GPM6A: variants seen among roughly 807,000 people sequenced by gnomAD.
GPM6A encodes the protein neuronal membrane glycoprotein M6-a.
A neutral mutation model predicts 32.1 loss-of-function variants in GPM6A; 7 were observed. The observed-to-expected ratio is 0.22, with a 90% CI of 0.12 to 0.41. The LOEUF (loss-of-function observed/expected upper bound fraction) is 0.41, where lower values mean the gene tolerates loss of function less well. Among genes scored for constraint, GPM6A ranks in the 10% least tolerant of loss-of-function variants. The probability of loss-of-function intolerance (pLI) is 1.00; values close to 1 mark genes in which losing one functional copy is unlikely to be tolerated. For missense variants in GPM6A, 235 were observed against 347.2 expected (o/e 0.68, Z 2.57); for synonymous variants, 130 against 123.4 (o/e 1.05, Z -0.35).
intron 1 of GPM6A, among the ~76,000 whole-genome samples, chr4:175,726,977 C>G (rs1731191525): frequency 6.6e-6 from 1 of 152,092 alleles, no homozygotes; most frequent in Non-Finnish European, 1.5e-5. Context: ...GCCTGGGTGA[C>G]AGAGTGAGAC....
At chr4:175,761,351 C>T (rs994928008) in intron 1 of GPM6A, among the ~76,000 whole-genome samples, 1 of 152,170 alleles carries the variant, frequency 6.6e-6, no homozygotes, top group East Asian at 1.9e-4. Flanking sequence ...CTCAGCCTCC[C>T]AAAGTGCTGG....
chr4:175,787,883 G>A (rs1476609626), intron 1 of GPM6A: 1 of 152,724 alleles, frequency 6.5e-6, no homozygotes, highest in Admixed American at 6.5e-5. Context: ...CTGGGTGCTT[G>A]TTATATATTT....
chr4:175,981,554 T>C (rs547072973), intron 1 of GPM6A, among the ~76,000 whole-genome samples: 7 of 152,300 alleles, frequency 4.6e-5, no homozygotes, highest in African/African-American at 1.7e-4. Flanking sequence ...ATGTCCTATG[T>C]TATTGAGAGT....
intron 1 of GPM6A, among the ~76,000 whole-genome samples, chr4:175,932,354 C>G (rs1739078696): frequency 6.6e-6 from 1 of 152,148 alleles, no homozygotes; most frequent in Non-Finnish European, 1.5e-5. Context: ...CAGGCGAGGA[C>G]TCAGCATTTC....
chr4:175,788,282 A>T (rs1184312960), intron 1 of GPM6A, among the ~76,000 whole-genome samples: 3 of 152,208 alleles, frequency 2.0e-5, no homozygotes, highest in African/African-American at 7.2e-5. Context: ...GGAGGATGAA[A>T]GCAAAGATTT....
At chr4:175,875,080 TG>T (rs552295430) in intron 1 of GPM6A, among the ~76,000 whole-genome samples, 92 of 152,104 alleles carry the variant, frequency 6.0e-4, no homozygotes, top group Non-Finnish European at 1.2e-3. Context: ...GAGGCAGAAA[TG>T]TGTCCTAAGC....
chr4:175,940,779 T>A (rs1380075072), intron 1 of GPM6A, among the ~76,000 whole-genome samples: 1 of 152,176 alleles, frequency 6.6e-6, no homozygotes, highest in African/African-American at 2.4e-5. Flanking sequence ...CAGCTAATTT[T>A]TGTATTCTTA....
At chr4:175,869,438 T>C (rs1326379723) in intron 1 of GPM6A, among the ~76,000 whole-genome samples, 1 of 152,016 alleles carries the variant, frequency 6.6e-6, no homozygotes, top group Non-Finnish European at 1.5e-5. Context: ...CTTACAGATA[T>C]ATCACATTTA....
intron 1 of GPM6A, among the ~76,000 whole-genome samples, chr4:175,943,687 G>T (rs1294170717): frequency 3.3e-5 from 5 of 152,164 alleles, no homozygotes; most frequent in Non-Finnish European, 5.9e-5. Context: ...GATGTGTATT[G>T]ATTTGCATAT....
At chr4:175,636,289 T>C (rs867562952) in intron 6 of GPM6A, among the ~76,000 whole-genome samples, 5 of 119,998 alleles carry the variant, frequency 4.2e-5, no homozygotes, top group East Asian at 3.3e-4. Context: ...TATATATATA[T>C]ATATATATAC....
At chr4:175,969,092 A>C (rs1463327336) in intron 1 of GPM6A, among the ~76,000 whole-genome samples, 5 of 152,244 alleles carry the variant, frequency 3.3e-5, no homozygotes, top group Non-Finnish European at 5.9e-5. Flanking sequence ...AAAAGTAATG[A>C]GCTATCAAGC....
At chr4:175,992,204 TATA>T (rs1741171904) in intron 1 of GPM6A, among the ~76,000 whole-genome samples, 1 of 152,114 alleles carries the variant, frequency 6.6e-6, no homozygotes, top group African/African-American at 2.4e-5. Context: ...ATTAATAATA[TATA>T]ATGAGTTACA....
intron 1 of GPM6A, among the ~76,000 whole-genome samples, chr4:175,929,841 A>G (rs1297608714): frequency 6.6e-6 from 1 of 152,180 alleles, no homozygotes; most frequent in Non-Finnish European, 1.5e-5. Context: ...GGAGATAGAA[A>G]CACACAAAGA....
chr4:175,910,020 G>A (rs1738263760), intron 1 of GPM6A, among the ~76,000 whole-genome samples: 1 of 152,164 alleles, frequency 6.6e-6, no homozygotes. Context: ...TGGTGTGCTA[G>A]TAAGCTGACC....
At chr4:175,741,927 A>C (rs1398701432) in intron 1 of GPM6A, among the ~76,000 whole-genome samples, 1 of 152,098 alleles carries the variant, frequency 6.6e-6, no homozygotes. Context: ...ATCAAGGGTA[A>C]CTTAGAGTCA....
intron 1 of GPM6A, among the ~76,000 whole-genome samples, chr4:175,981,294 C>A (rs548785271): frequency 6.6e-6 from 1 of 152,154 alleles, no homozygotes; most frequent in Admixed American, 6.5e-5. Context: ...AAAACTCATC[C>A]TTTTTAGAAT....
chr4:175,634,732 A>T lies in GPM6A; in HGVS notation c.*173T>A. ...GATCTGATTTACATCAATTTAATAA[A>T]TTGGGAAATTTAAGTGCTAAACAAC... is the stretch of plus-strand genomic sequence containing the variant. On this transcript the variant is annotated 3_prime_UTR_variant, in exon 7 of 7. Coordinates refer to ENST00000393658, the MANE Select transcript of GPM6A (RefSeq NM_201591.3). The T allele has an allele frequency of 5.8e-6, 3 of 514,196 alleles. No individual in the cohort carries two copies. The South Asian group carries it at 1.0e-4, about 17-fold the overall frequency. The allele number at this position is 514,196 out of a possible 1,614,324, so 31.9% of individuals were successfully genotyped here. A position where few individuals can be genotyped will look rare whatever the true frequency, so the allele number is the denominator to read the frequency against.
chr4:175,920,298 A>T (rs1267570561), intron 1 of GPM6A, among the ~76,000 whole-genome samples: 1 of 152,196 alleles, frequency 6.6e-6, no homozygotes, highest in Non-Finnish European at 1.5e-5. Context: ...TGTTAGCCCA[A>T]ACAAGTCACT....
At chr4:175,769,048 T>A (rs1307518735) in intron 1 of GPM6A, among the ~76,000 whole-genome samples, 1 of 152,020 alleles carries the variant, frequency 6.6e-6, no homozygotes, top group Non-Finnish European at 1.5e-5. Context: ...AGAGCCGAGA[T>A]TCTACCACTG....
Sources: gnomAD v4.1 joint callset for allele counts (sites outside exome capture counted in the v4.1 genomes callset) on GRCh38, gnomAD v4.1.1 for gene constraint, MANE v1.5 for transcripts, NCBI Gene and HGNC (gene_info 2026-07-23, HGNC 2026-07-21) for gene names.